Variants in CCSER1 observed in about 807,000 individuals in gnomAD.
The protein encoded by CCSER1 is coiled-coil serine rich protein 1, also known as serine-rich coiled-coil domain-containing protein 1.
In CCSER1, 41 loss-of-function variants were observed where a neutral mutation model predicts 82.0. The observed-to-expected ratio is 0.50, with a 90% CI of 0.39 to 0.65. The LOEUF (loss-of-function observed/expected upper bound fraction) is 0.65, where lower values mean the gene tolerates loss of function less well. Ranked by LOEUF, CCSER1 falls within the 30% of genes least tolerant of loss-of-function variation. CCSER1 has a pLI of 0.00. For missense variants in CCSER1, 1,119 were observed against 1,064.2 expected (o/e 1.05, Z -0.72); for synonymous variants, 414 against 383.9 (o/e 1.08, Z -0.92).
At chr4:90,596,441 A>G (rs1264105024) in intron 5 of CCSER1, among the ~76,000 whole-genome samples, 1 of 151,914 alleles carries the variant, frequency 6.6e-6, no homozygotes, top group African/African-American at 2.4e-5. Flanking sequence ...TAACAATGAT[A>G]TAATTTTTTA....
At chr4:91,177,472 T>C (rs1278197824) in intron 10 of CCSER1, among the ~76,000 whole-genome samples, 2 of 152,250 alleles carry the variant, frequency 1.3e-5, no homozygotes, top group African/African-American at 4.8e-5. Flanking sequence ...GTTGGTAGGC[T>C]ACCAATTGTT....
intron 7 of CCSER1, chr4:90,780,451 C>A: frequency 1.2e-6 from 2 of 1,611,652 alleles, no homozygotes; most frequent in Non-Finnish European, 1.7e-6. Context: ...GACCACATAC[C>A]CTAGGGAATT....
chr4:91,180,496 A>ATT (rs1733911491), intron 10 of CCSER1, among the ~76,000 whole-genome samples: 1 of 152,210 alleles, frequency 6.6e-6, no homozygotes, highest in Admixed American at 6.5e-5. Flanking sequence ...TACCTACTCA[A>ATT]GCCTCAGCAA....
At chr4:91,340,452 G>A (rs1046705306) in intron 10 of CCSER1, among the ~76,000 whole-genome samples, 1 of 152,114 alleles carries the variant, frequency 6.6e-6, no homozygotes, top group East Asian at 1.9e-4. Context: ...ATGAATAGAG[G>A]CTAGTTGACA....
At chr4:91,486,647 A>G (rs1483486233) in intron 10 of CCSER1, among the ~76,000 whole-genome samples, 1 of 152,132 alleles carries the variant, frequency 6.6e-6, no homozygotes, top group East Asian at 1.9e-4. Flanking sequence ...ATACAGCATA[A>G]CAACTATTTA....
intron 8 of CCSER1, among the ~76,000 whole-genome samples, chr4:90,864,472 T>G (rs549240141): frequency 5.3e-5 from 8 of 152,094 alleles, no homozygotes; most frequent in Non-Finnish European, 7.4e-5. Flanking sequence ...TTTCTTATAC[T>G]ATCTCTGGCA....
intron 7 of CCSER1, among the ~76,000 whole-genome samples, chr4:90,779,685 A>G (rs1753482459): frequency 6.6e-6 from 1 of 152,186 alleles, no homozygotes; most frequent in Non-Finnish European, 1.5e-5. Flanking sequence ...CTTCCTTGAC[A>G]CTGAGCCCAC....
chr4:90,630,615 A>G (rs1724197059), intron 6 of CCSER1, among the ~76,000 whole-genome samples: 1 of 152,002 alleles, frequency 6.6e-6, no homozygotes, highest in Admixed American at 6.6e-5. Context: ...CAACAGGGAA[A>G]AGCAATAGTA....
At chr4:90,457,029 G>A (rs765815219) in intron 4 of CCSER1, among the ~76,000 whole-genome samples, 1 of 152,190 alleles carries the variant, frequency 6.6e-6, no homozygotes. Flanking sequence ...CAGGCATGAA[G>A]CGGTGAGGAG....
chr4:90,409,236 T>C (rs1286851589), intron 4 of CCSER1, among the ~76,000 whole-genome samples: 2 of 152,046 alleles, frequency 1.3e-5, no homozygotes, highest in African/African-American at 2.4e-5. Context: ...ACTTCCCCAA[T>C]CTAGCAAGGC....
At chr4:90,235,392 CAT>C (rs1370501438) in intron 1 of CCSER1, 1 of 152,230 alleles carries the variant, frequency 6.6e-6, no homozygotes, top group Non-Finnish European at 1.5e-5. Flanking sequence ...TTGAACCAAA[CAT>C]GTGCACCTCG....
chr4:91,557,371 CTTAT>C (rs974305408), intron 10 of CCSER1, among the ~76,000 whole-genome samples: 18 of 151,350 alleles, frequency 1.2e-4, no homozygotes, highest in African/African-American at 4.1e-4. Context: ...CATATTTACT[CTTAT>C]TTTTTAAATT....
chr4:91,173,815 C>A (rs191080606), intron 10 of CCSER1, among the ~76,000 whole-genome samples: 4 of 152,054 alleles, frequency 2.6e-5, no homozygotes, highest in Non-Finnish European at 5.9e-5. Flanking sequence ...AACAGAAGAA[C>A]AAATGGGAGA....
At chr4:90,844,963 T>C (rs142782235) in intron 8 of CCSER1, among the ~76,000 whole-genome samples, 4 of 152,286 alleles carry the variant, frequency 2.6e-5, no homozygotes, top group Non-Finnish European at 2.9e-5. Context: ...TGTAAATGAA[T>C]TGGTGTGGAG....
At chr4:90,988,210 T>A (rs1736724269) in intron 9 of CCSER1, among the ~76,000 whole-genome samples, 1 of 150,764 alleles carries the variant, frequency 6.6e-6, no homozygotes. Context: ...GTGGTATATG[T>A]TGTAGTCCCA....
At chr4:90,632,323 A>T (rs747847968) in intron 6 of CCSER1, among the ~76,000 whole-genome samples, 13 of 152,128 alleles carry the variant, frequency 8.5e-5, no homozygotes, top group Middle Eastern at 6.8e-3. Context: ...ATTACTTATT[A>T]TTCTACCTAC....
chr4:91,542,571 T>C (rs1761660794), intron 10 of CCSER1, among the ~76,000 whole-genome samples: 1 of 152,172 alleles, frequency 6.6e-6, no homozygotes, highest in African/African-American at 2.4e-5. Flanking sequence ...CCAGTAGTCA[T>C]TTAAGAGCAG....
rs958546181 is a variant in CCSER1, at chr4:90,429,329, G to C, written c.1603+29200G>C. Among the ~76,000 whole-genome samples, 4 of 151,724 alleles carry C rather than the reference G, an allele frequency of 2.6e-5. No individual in the cohort carries two copies. The South Asian group carries it at 6.2e-4, about 24-fold the overall frequency. On this transcript the variant is annotated intron_variant, in intron 4 of 10. Transcript: ENST00000509176. ...CACAGAGCCATTGGTTATATAAAAA[G>C]CTGTTTGGATGGCACAGTCTGTTGG...
intron 10 of CCSER1, among the ~76,000 whole-genome samples, chr4:91,223,197 T>C (rs1398250426): frequency 6.6e-6 from 1 of 151,930 alleles, no homozygotes; most frequent in Non-Finnish European, 1.5e-5. Flanking sequence ...AATGTAAAAA[T>C]ATATCAAGGA....
Sources: allele counts gnomAD v4.1 joint callset (sites outside exome capture counted in the v4.1 genomes callset), GRCh38; gene constraint gnomAD v4.1.1; transcripts MANE v1.5; gene names NCBI Gene and HGNC (gene_info 2026-07-23, HGNC 2026-07-21).